CDH12: variants seen among roughly 807,000 people sequenced by gnomAD.
CDH12 encodes the protein cadherin 12, also known as cadherin-12.
A neutral mutation model predicts 74.1 loss-of-function variants in CDH12; 41 were observed. The ratio of observed to expected loss-of-function variants is 0.55; its 90% CI spans 0.43 to 0.72. The LOEUF (loss-of-function observed/expected upper bound fraction) is 0.72. CDH12 is among the 30% of genes least tolerant of loss of function. The pLI, the probability that CDH12 is intolerant of heterozygous loss-of-function variation, is 0.00. For synonymous variants in CDH12, 399 were observed against 355.0 expected (o/e 1.12, Z -1.39); for missense variants, 945 against 977.2 (o/e 0.97, Z 0.44).
chr5:22,806,089 T>C (rs1413352097), intron 1 of CDH12, among the ~76,000 whole-genome samples: 1 of 152,162 alleles, frequency 6.6e-6, no homozygotes, highest in East Asian at 1.9e-4. Context: ...TCCAAGTCTT[T>C]GCTATTGTGA....
chr5:22,074,289 T>A lies in CDH12; in HGVS notation c.231+4157A>T, dbSNP rs549700363. Among the ~76,000 whole-genome samples, 5 of 152,274 alleles carry A rather than the reference T, an allele frequency of 3.3e-5. No individual in the cohort carries two copies. The South Asian group carries it at 8.3e-4, about 25-fold the overall frequency. On this transcript the variant is annotated intron_variant, in intron 5 of 14. Coordinates refer to ENST00000382254, the MANE Select transcript of CDH12 (RefSeq NM_004061.5). ...AGAAAGCTGAAACTGGATCCCTTCC[T>A]TACACCTTATACAAAAGTTAATTAA...
At chr5:22,443,682 A>C (rs918350254) in intron 2 of CDH12, among the ~76,000 whole-genome samples, 2 of 152,162 alleles carry the variant, frequency 1.3e-5, no homozygotes, top group African/African-American at 4.8e-5. Flanking sequence ...GGTTGTATGC[A>C]TCAATCAATG....
chr5:22,559,203 G>A (rs1441224750), intron 1 of CDH12, among the ~76,000 whole-genome samples: 2 of 151,872 alleles, frequency 1.3e-5, no homozygotes, highest in Non-Finnish European at 1.5e-5. Flanking sequence ...ACAACATGAA[G>A]GTCTGAGGTA....
At chr5:22,167,753 G>A (rs1052933472) in intron 4 of CDH12, among the ~76,000 whole-genome samples, 3 of 151,860 alleles carry the variant, frequency 2.0e-5, no homozygotes, top group African/African-American at 7.3e-5. Flanking sequence ...TTTCTTTTAC[G>A]ATGTACTATG....
At position 21,997,785 on chromosome 5, in the gene CDH12, C is replaced by T. The variant is rs536565375; in HGVS notation, c.232-22400G>A. ...GTTGTTTGCACTGCAAATAGATAAG[C>T]GAAATCGATCTGCAAATTTCCAAGC... On this transcript the variant is annotated intron_variant, in intron 5 of 14. Coordinates refer to ENST00000382254, the MANE Select transcript of CDH12 (RefSeq NM_004061.5). Among the ~76,000 whole-genome samples the T allele has an allele frequency of 3.9e-5, 6 of 152,034 alleles. No individual in the cohort carries two copies. The South Asian group carries it at 6.2e-4, about 16-fold the overall frequency.
chr5:22,559,091 G>T (rs967188937), intron 1 of CDH12, among the ~76,000 whole-genome samples: 2 of 151,934 alleles, frequency 1.3e-5, no homozygotes, highest in Non-Finnish European at 2.9e-5. Context: ...AGTCCTGGAT[G>T]CTAGAAAACT....
At chr5:22,642,199 A>G (rs1376813207) in intron 1 of CDH12, among the ~76,000 whole-genome samples, 1 of 152,228 alleles carries the variant, frequency 6.6e-6, no homozygotes, top group East Asian at 1.9e-4. Flanking sequence ...ATTCATAACT[A>G]AAATAATATA....
chr5:22,389,057 A>G (rs1213696533), intron 3 of CDH12, among the ~76,000 whole-genome samples: 1 of 152,206 alleles, frequency 6.6e-6, no homozygotes, highest in Non-Finnish European at 1.5e-5. Flanking sequence ...GACTAAGCCA[A>G]TACCTATAAA....
chr5:22,231,994 A>C (rs1037511260), intron 3 of CDH12, among the ~76,000 whole-genome samples: 4 of 151,902 alleles, frequency 2.6e-5, no homozygotes, highest in Non-Finnish European at 5.9e-5. Flanking sequence ...TATTTTATAC[A>C]TTGCCTAAAA....
At chr5:21,843,537 A>G (rs1749988609) in intron 7 of CDH12, among the ~76,000 whole-genome samples, 1 of 146,490 alleles carries the variant, frequency 6.8e-6, no homozygotes, top group Non-Finnish European at 1.5e-5. Context: ...TTTTTGAGGC[A>G]GAGTTTCTCT....
intron 6 of CDH12, among the ~76,000 whole-genome samples, chr5:21,855,622 A>G (rs1449595457): frequency 6.6e-6 from 1 of 150,534 alleles, no homozygotes; most frequent in African/African-American, 2.5e-5. Flanking sequence ...AAATAGACAT[A>G]TATATATATG....
At chr5:22,214,273 C>G (rs558080635) in intron 3 of CDH12, among the ~76,000 whole-genome samples, 10 of 152,196 alleles carry the variant, frequency 6.6e-5, no homozygotes, top group Middle Eastern at 3.4e-3. Flanking sequence ...GCAGAGGTCT[C>G]TTGCTCCCTC....
chr5:21,966,096 T>A (rs2150114096), intron 6 of CDH12, among the ~76,000 whole-genome samples: 1 of 151,826 alleles, frequency 6.6e-6, no homozygotes, highest in East Asian at 1.9e-4. Flanking sequence ...TATGTATTAG[T>A]GTGGTGCTCA....
chr5:22,480,280 T>C (rs1746333949), intron 2 of CDH12, among the ~76,000 whole-genome samples: 2 of 151,810 alleles, frequency 1.3e-5, no homozygotes, highest in African/African-American at 2.4e-5. Context: ...AGGAGCAAAG[T>C]ACATTTAAAA....
chr5:22,804,055 T>A (rs2126426646), intron 1 of CDH12, among the ~76,000 whole-genome samples: 1 of 152,210 alleles, frequency 6.6e-6, no homozygotes, highest in South Asian at 2.1e-4. Flanking sequence ...TTTTGCACAA[T>A]GAAGAAATGT....
chr5:22,689,252 G>T (rs1471635305), intron 1 of CDH12, among the ~76,000 whole-genome samples: 1 of 152,138 alleles, frequency 6.6e-6, no homozygotes, highest in Non-Finnish European at 1.5e-5. Flanking sequence ...GGGAATAGAT[G>T]GATAAAGCAT....
chr5:22,294,751 C>G (rs1042826424), intron 3 of CDH12, among the ~76,000 whole-genome samples: 5 of 152,218 alleles, frequency 3.3e-5, no homozygotes, highest in South Asian at 2.1e-4. Flanking sequence ...CTCAGTTTGA[C>G]TAAACCTTAG....
chr5:22,192,835 T>C (rs1750386622), intron 4 of CDH12, among the ~76,000 whole-genome samples: 1 of 152,074 alleles, frequency 6.6e-6, no homozygotes, highest in Admixed American at 6.6e-5. Flanking sequence ...GAGGCTACAC[T>C]TGAAAGGGAA....
chr5:22,191,449 A>G (rs1358443028), intron 4 of CDH12, among the ~76,000 whole-genome samples: 1 of 152,188 alleles, frequency 6.6e-6, no homozygotes, highest in African/African-American at 2.4e-5. Flanking sequence ...AAATGGTGTC[A>G]TATTGAAAAT....
Sources: gnomAD v4.1 joint callset for allele counts (sites outside exome capture counted in the v4.1 genomes callset) on GRCh38, gnomAD v4.1.1 for gene constraint, MANE v1.5 for transcripts, NCBI Gene and HGNC (gene_info 2026-07-23, HGNC 2026-07-21) for gene names.